The following BCAR3 variants were observed in gnomAD, a reference collection of about 807,000 sequenced individuals.
BCAR3 encodes the protein breast cancer anti-estrogen resistance protein 3.
In BCAR3, 37 loss-of-function variants were observed where a neutral mutation model predicts 80.1. The ratio of observed to expected loss-of-function variants is 0.46; its 90% CI spans 0.36 to 0.61. BCAR3 has a LOEUF of 0.61. Among genes scored for constraint, BCAR3 ranks in the 20% least tolerant of loss-of-function variants. BCAR3 has a pLI of 0.00. For synonymous variants in BCAR3, 389 were observed against 418.9 expected, an observed-to-expected ratio of 0.93 and a Z score of 0.87; for missense variants, 978 against 1,068.2, an observed-to-expected ratio of 0.92 and a Z score of 1.18.
intron 5 of BCAR3, among the ~76,000 whole-genome samples, chr1:93,585,818 A>G (rs901261485): frequency 6.6e-6 from 1 of 152,120 alleles, no homozygotes; most frequent in Admixed American, 6.6e-5. Flanking sequence ...GGCTCACTGC[A>G]GCTTCAACCT....
Position 93,562,104 on chromosome 1 carries a change from G to T in BCAR3, c.*137C>A. 2 of 839,590 alleles carry T rather than the reference G, an allele frequency of 2.4e-6. No homozygotes were observed. Among genetic ancestry groups the T allele is most frequent in the South Asian group, 2.3e-5 (1 of 44,020 alleles). The allele number at this position is 839,590 out of a possible 1,614,324, so 52.0% of individuals were successfully genotyped here. A position where few individuals can be genotyped will look rare whatever the true frequency, so the allele number is the denominator to read the frequency against. ...TAAGTGTGCTCTGTGCAATTTACACGTTTAATATCCTGTGGATACTAAAAG... is the reference window on the plus strand; with the variant it reads ...TAAGTGTGCTCTGTGCAATTTACACTTTTAATATCCTGTGGATACTAAAAG... On this transcript the variant is annotated 3_prime_UTR_variant, in exon 12 of 12. Transcript: ENST00000260502.
chr1:93,649,969 C>G (rs1173476521), intron 2 of BCAR3, among the ~76,000 whole-genome samples: 1 of 151,754 alleles, frequency 6.6e-6, no homozygotes, highest in East Asian at 1.9e-4. Flanking sequence ...AGTGTTCCAT[C>G]CAAGCCTCCA....
At chr1:93,636,349 G>A (rs1336212024) in intron 3 of BCAR3, among the ~76,000 whole-genome samples, 2 of 152,156 alleles carry the variant, frequency 1.3e-5, no homozygotes, top group East Asian at 3.9e-4. Context: ...CTCACAGTGG[G>A]TCTAACAAGA....
chr1:93,616,343 G>A (rs777742024), intron 3 of BCAR3, among the ~76,000 whole-genome samples: 2 of 152,212 alleles, frequency 1.3e-5, no homozygotes, highest in Non-Finnish European at 2.9e-5. Flanking sequence ...GTCAAGGAGA[G>A]AGACTAAAAT....
intron 3 of BCAR3, among the ~76,000 whole-genome samples, chr1:93,635,915 A>G (rs1675765175): frequency 6.6e-6 from 1 of 152,182 alleles, no homozygotes. Context: ...CAGCTATTTA[A>G]TTGTGACCAT....
chr1:93,745,952 C>G (rs538064340), intron 2 of BCAR3, among the ~76,000 whole-genome samples: 1 of 152,266 alleles, frequency 6.6e-6, no homozygotes, highest in South Asian at 2.1e-4. Context: ...AGTGAAAGTG[C>G]TTAGAACTCT....
chr1:93,651,387 G>T (rs1183300817), intron 2 of BCAR3, among the ~76,000 whole-genome samples: 2 of 152,246 alleles, frequency 1.3e-5, no homozygotes, highest in African/African-American at 4.8e-5. Flanking sequence ...TGGGAAGCTG[G>T]ATGGTCCTCT....
At chr1:93,801,540 G>T (rs1653479881) in intron 2 of BCAR3, among the ~76,000 whole-genome samples, 1 of 152,164 alleles carries the variant, frequency 6.6e-6, no homozygotes, top group Non-Finnish European at 1.5e-5. Flanking sequence ...ATCTTGTTTG[G>T]TTTTTGTTTA....
rs554172104 is a variant in BCAR3, at chr1:93,846,176, T to G, written c.-208-464A>C. Among the ~76,000 whole-genome samples the G allele has an allele frequency of 1.9e-3, 289 of 152,326 alleles. 3 individuals are homozygous for G. Among genetic ancestry groups the G allele is most frequent in the Middle Eastern group, 3.4e-3 (1 of 294 alleles). ...TAAGACTGTAAAATCCCTACCACAC[T>G]GGACTCTTCCCAGGACTTCCCTTTC... On this transcript the variant is annotated intron_variant, in intron 1 of 13. Coordinates refer to the BCAR3 transcript ENST00000370244.
chr1:93,657,057 G>A (rs898637784), intron 2 of BCAR3, among the ~76,000 whole-genome samples: 1 of 152,100 alleles, frequency 6.6e-6, no homozygotes, highest in Admixed American at 6.5e-5. Flanking sequence ...GCATTGTTTC[G>A]TTACTAGTGG....
rs1217381018 is a variant in BCAR3, at chr1:93,719,334, G to GTTTTTTTTTTTT, written c.-62-13204_-62-13193dup. On this transcript the variant is annotated intron_variant, in intron 2 of 13. Transcript: ENST00000370244. ...TTAGTCTCTATATTTAAACTTTCTT[G>GTTTTTTTTTTTT]TTTTTTTTTTTTTTTTTTTTTTTTT... Among the ~76,000 whole-genome samples the GTTTTTTTTTTTT allele has an allele frequency of 6.8e-5, 5 of 73,206 alleles. 1 individual carries two copies. Among genetic ancestry groups the GTTTTTTTTTTTT allele is most frequent in the African/African-American group, 1.1e-4 (2 of 18,144 alleles). The allele number at this position is 73,206 out of a possible 152,430, so 48.0% of individuals were successfully genotyped here.
chr1:93,750,868 G>A (rs1303916252), intron 2 of BCAR3, among the ~76,000 whole-genome samples: 1 of 152,216 alleles, frequency 6.6e-6, no homozygotes, highest in East Asian at 1.9e-4. Flanking sequence ...TGATGCCCCA[G>A]ATATCGTGGA....
At chr1:93,822,723 T>C (rs1654272588) in intron 2 of BCAR3, among the ~76,000 whole-genome samples, 1 of 151,776 alleles carries the variant, frequency 6.6e-6, no homozygotes, top group African/African-American at 2.4e-5. Context: ...GACCTGAACA[T>C]GAAGGGCATT....
intron 3 of BCAR3, among the ~76,000 whole-genome samples, chr1:93,609,269 T>C (rs1418047941): frequency 2.6e-5 from 4 of 152,140 alleles, no homozygotes; most frequent in East Asian, 3.8e-4. Context: ...GACAGTCGAA[T>C]ATAAGTCTAG....
chr1:93,567,335 C>T lies in BCAR3; in HGVS notation c.2243G>A (p.Arg748Gln), dbSNP rs1275748004. ...GCTGTCTGCAGCCTCGGCCATGAATCGCGCTGTTGCCAAATGGTTCAGCAT... is the reference window on the plus strand; with the variant it reads ...GCTGTCTGCAGCCTCGGCCATGAATTGCGCTGTTGCCAAATGGTTCAGCAT... ...EIMLNHLATA[R>Q]FMAEAADSYR... The change falls in exon 11 of 12, where the codon CGA (arginine) becomes CAA (glutamine). Residue 748 changes from arginine to glutamine, a missense_variant. Physicochemically the swap from Arg to Gln is conservative, Grantham distance 43. Transcript: ENST00000260502. The T allele has an allele frequency of 8.1e-6, 13 of 1,614,040 alleles. No homozygotes were observed. Among genetic ancestry groups the T allele is most frequent in the African/African-American group, 2.7e-5 (2 of 74,908 alleles).
intron 2 of BCAR3, among the ~76,000 whole-genome samples, chr1:93,778,881 T>C (rs1486965008): frequency 1.3e-5 from 2 of 152,188 alleles, no homozygotes; most frequent in Non-Finnish European, 2.9e-5. Flanking sequence ...TAATTATCAA[T>C]TCCCTCACAA....
At chr1:93,591,656 G>A (rs1466571557) in intron 4 of BCAR3, among the ~76,000 whole-genome samples, 1 of 152,094 alleles carries the variant, frequency 6.6e-6, no homozygotes, top group Non-Finnish European at 1.5e-5. Flanking sequence ...AGTATTAAAT[G>A]AAAAAACATT....
chr1:93,606,192 C>G (rs1674767039), intron 3 of BCAR3, among the ~76,000 whole-genome samples: 1 of 152,192 alleles, frequency 6.6e-6, no homozygotes, highest in South Asian at 2.1e-4. Flanking sequence ...ACCCACATAT[C>G]TCATTTAACA....
Position 93,833,104 on chromosome 1 carries a change from GAGAA to G in BCAR3, c.-63+12459_-63+12462del, listed in dbSNP as rs1395493481. ...AGTGTCGGCCGGTCTGAGAAATAAAGAGAAAGAGTACAAAAGAAAGAAATTTTAC... is the reference window on the plus strand; with the variant it reads ...AGTGTCGGCCGGTCTGAGAAATAAAGAGAGTACAAAAGAAAGAAATTTTAC... On this transcript the variant is annotated intron_variant, in intron 2 of 13. Coordinates refer to the BCAR3 transcript ENST00000370244. 2.0e-5 allele frequency among the ~76,000 whole-genome samples: 3 copies of G among 152,242 alleles called. No homozygotes were observed. In the East Asian group the frequency reaches 5.8e-4, roughly 29 times the overall value.
Sources: allele counts gnomAD v4.1 joint callset (sites outside exome capture counted in the v4.1 genomes callset), GRCh38; gene constraint gnomAD v4.1.1; transcripts MANE v1.5; gene names NCBI Gene and HGNC (gene_info 2026-07-23, HGNC 2026-07-21).